ZFYVE1: variants seen among roughly 807,000 people sequenced by gnomAD.
ZFYVE1 encodes the protein zinc finger FYVE-type containing 1.
A neutral mutation model predicts 74.4 loss-of-function variants in ZFYVE1; 30 were observed. The ratio of observed to expected loss-of-function variants is 0.40; its 90% CI spans 0.30 to 0.55. The LOEUF is 0.55. Ranked by LOEUF, ZFYVE1 falls within the 20% of genes least tolerant of loss-of-function variation. ZFYVE1 has a pLI of 0.42. For synonymous variants in ZFYVE1, 335 were observed against 385.1 expected (o/e 0.87, Z 1.52); for missense variants, 703 against 1,011.6 (o/e 0.69, Z 4.14).
chr14:72,980,560 T>A (rs532362903), intron 5 of ZFYVE1, among the ~76,000 whole-genome samples: 4,380 of 151,148 alleles, frequency 0.029, 89 homozygotes, highest in South Asian at 0.06. Flanking sequence ...TTTATTTATT[T>A]ATTTATTTAT....
In ZFYVE1 at chr14:72,969,802, C is replaced by A. The variant is rs528924468; in HGVS notation, c.*1080G>T. 292 of 683,748 alleles carry A rather than the reference C, an allele frequency of 4.3e-4. 1 individual carries two copies. The highest frequency in any genetic ancestry group is 7.4e-5 in the Non-Finnish European group (28 of 380,346). The allele number at this position is 683,748 out of a possible 1,614,324, so 42.4% of individuals were successfully genotyped here. On this transcript the variant is annotated 3_prime_UTR_variant, in exon 12 of 12. Transcript: ENST00000556143. ...TTCCTTTGACTTCTCTTGCAAGGACCAAAGAGATAAATTTTTTCTTTACGA... is the reference window on the plus strand; with the variant it reads ...TTCCTTTGACTTCTCTTGCAAGGACAAAAGAGATAAATTTTTTCTTTACGA...
At position 72,970,706 on chromosome 14, in the gene ZFYVE1, G is replaced by T; in HGVS notation, c.*176C>A. 5.9e-6 allele frequency: 4 copies of T among 673,192 alleles called. No individual in the cohort carries two copies. The highest frequency in any genetic ancestry group is 1.0e-5 in the Non-Finnish European group (4 of 394,962). 41.7% of individuals were successfully genotyped at this position (673,192 alleles called of 1,614,324 possible). A position where few individuals can be genotyped will look rare whatever the true frequency, so the allele number is the denominator to read the frequency against. ...GTTGCAAGGTCCCCTGCCCTGAGGG[G>T]TCCACACCTTCGGGCCTGCCGCCAG... is the stretch of plus-strand genomic sequence containing the variant. On this transcript the variant is annotated 3_prime_UTR_variant, in exon 12 of 12. Transcript: ENST00000556143.
At chr14:73,017,550 C>T (rs534465492) in intron 2 of ZFYVE1, among the ~76,000 whole-genome samples, 1 of 152,204 alleles carries the variant, frequency 6.6e-6, no homozygotes, top group Admixed American at 6.5e-5. Flanking sequence ...CAATTTCACA[C>T]AATAAAACCT....
intron 4 of ZFYVE1, among the ~76,000 whole-genome samples, chr14:72,982,304 G>A (rs1167056868): frequency 6.6e-6 from 1 of 151,762 alleles, no homozygotes; most frequent in Non-Finnish European, 1.5e-5. Flanking sequence ...TGAGTTTCCC[G>A]GGCTTCTATC....
At position 72,979,136 on chromosome 14, in the gene ZFYVE1, T is replaced by C. The variant is rs545045128; in HGVS notation, c.1311-167A>G. On this transcript the variant is annotated intron_variant, in intron 5 of 11. Transcript: ENST00000556143. ...GGTAGCCGGAAACCCACATGCCTCT[T>C]TGTTACACTTGCAATCAACAGCACT... 3.4e-5 allele frequency: 21 copies of C among 611,536 alleles called. No homozygotes were observed. In the East Asian group the frequency reaches 5.7e-4, roughly 17 times the overall value. The allele number at this position is 611,536 out of a possible 1,614,324, so 37.9% of individuals were successfully genotyped here.
chr14:72,993,288 G>T lies in ZFYVE1; in HGVS notation c.1058C>A (p.Ala353Asp). Reference sequence around the variant, plus strand: ...TCCCTTGTAGTGAATGGAACTAAAGGCTTCAGGGAAACGGCCCAGCTTCCG... The same window carrying T: ...TCCCTTGTAGTGAATGGAACTAAAGTCTTCAGGGAAACGGCCCAGCTTCCG... ...RFRKLGRFPE[A>D]FSSIHYKGTR... is the part of the protein sequence containing the mutation. The change falls in exon 4 of 12, where the codon GCC becomes GAC. Residue 353 changes from alanine to aspartate, a missense_variant. Physicochemically the swap from Ala to Asp is moderately radical, Grantham distance 126. Coordinates refer to ENST00000556143, the MANE Select transcript of ZFYVE1 (RefSeq NM_021260.4). 6.2e-7 allele frequency: 1 copy of T among 1,613,684 alleles called. No individual in the cohort carries two copies. The highest frequency in any genetic ancestry group is 8.5e-7 in the Non-Finnish European group (1 of 1,179,974).
intron 5 of ZFYVE1, chr14:72,979,199 CAG>C (rs982738752): frequency 2.1e-6 from 1 of 468,846 alleles, no homozygotes; most frequent in African/African-American, 2.0e-5. Flanking sequence ...TATGAGGACA[CAG>C]GGGAAAAAGA....
At position 73,025,661 on chromosome 14, in the gene ZFYVE1, A is replaced by C. The variant is rs984345606; in HGVS notation, c.-434-719T>G. Among the ~76,000 whole-genome samples the C allele has an allele frequency of 2.1e-5, 3 of 140,282 alleles. No homozygotes were observed. In the East Asian group the frequency reaches 6.4e-4, roughly 30 times the overall value. The allele number at this position is 140,282 out of a possible 152,430, so 92.0% of individuals were successfully genotyped here. A position where few individuals can be genotyped will look rare whatever the true frequency, so the allele number is the denominator to read the frequency against. On this transcript the variant is annotated intron_variant, in intron 1 of 11. Transcript: ENST00000556143. ...CAGTGAGCCAAGATCTTGCCACTGC[A>C]CTCCAGCCTGGAAGACAGGGCAAGA... is the stretch of plus-strand genomic sequence containing the variant.
intron 2 of ZFYVE1, among the ~76,000 whole-genome samples, chr14:73,000,560 C>T (rs1023392503): frequency 1.3e-5 from 2 of 151,480 alleles, no homozygotes. Context: ...ACCATGACTG[C>T]ACCACTCCAC....
intron 1 of ZFYVE1, among the ~76,000 whole-genome samples, chr14:73,026,441 A>G (rs1894462470): frequency 6.6e-6 from 1 of 152,190 alleles, no homozygotes; most frequent in Admixed American, 6.5e-5. Flanking sequence ...ATTTTCAGAT[A>G]AACAAGGAAG....
chr14:73,026,992 T>C lies in ZFYVE1; in HGVS notation c.-501A>G. The C allele has an allele frequency of 2.5e-6, 1 of 398,784 alleles. No individual in the cohort carries two copies. Among genetic ancestry groups the C allele is most frequent in the African/African-American group, 2.1e-5 (1 of 48,746 alleles). 24.7% of individuals were successfully genotyped at this position (398,784 alleles called of 1,614,324 possible). ...GCAGGGCGCCAGTGGGGGCAGAGGC[T>C]ATTCCTCAGGACACCGGCAGATCCA... On this transcript the variant is annotated 5_prime_UTR_variant, in exon 1 of 12. The change creates a new upstream start codon in the 5' untranslated region. Coordinates refer to ENST00000556143, the MANE Select transcript of ZFYVE1 (RefSeq NM_021260.4).
intron 4 of ZFYVE1, among the ~76,000 whole-genome samples, chr14:72,991,651 C>T (rs1157627164): frequency 2.0e-5 from 3 of 152,070 alleles, no homozygotes; most frequent in South Asian, 2.1e-4. Flanking sequence ...ATTAGGTAAG[C>T]GTCATCTTCC....
chr14:72,984,438 A>G (rs1163481477), intron 4 of ZFYVE1, among the ~76,000 whole-genome samples: 2 of 152,050 alleles, frequency 1.3e-5, no homozygotes, highest in Non-Finnish European at 2.9e-5. Context: ...CTGAGGCAGG[A>G]GAATCATTTG....
chr14:73,006,270 T>A, intron 2 of ZFYVE1, among the ~76,000 whole-genome samples: 1 of 151,664 alleles, frequency 6.6e-6, no homozygotes, highest in Admixed American at 6.6e-5. Context: ...AGTAACTATC[T>A]AATATTGTAC....
rs368675804 is a variant in ZFYVE1 at position 73,020,972 on chromosome 14, G to T, written c.483+3054C>A. 2.0e-5 allele frequency among the ~76,000 whole-genome samples: 3 copies of T among 152,266 alleles called. No individual in the cohort carries two copies. The South Asian group carries it at 6.2e-4, about 32-fold the overall frequency. On this transcript the variant is annotated intron_variant, in intron 2 of 11. Transcript: ENST00000556143. Reference sequence around the variant, plus strand: ...TGCTCTAGAACTCCTGACCTCAGGTGATCTACCTGCCTGGGCCTCCCAAAG... The same window carrying T: ...TGCTCTAGAACTCCTGACCTCAGGTTATCTACCTGCCTGGGCCTCCCAAAG...
intron 6 of ZFYVE1, 106 bp from the exon 7 acceptor site, chr14:72,978,340 G>C: frequency 9.7e-7 from 1 of 1,026,138 alleles, no homozygotes; most frequent in Non-Finnish European, 1.5e-6. Flanking sequence ...CTGGGCTCAA[G>C]CAATCTGCCC....
intron 4 of ZFYVE1, among the ~76,000 whole-genome samples, chr14:72,990,400 CTTT>C (rs11298113): frequency 6.9e-6 from 1 of 145,390 alleles, no homozygotes; most frequent in Non-Finnish European, 1.5e-5. Flanking sequence ...TGAACAGGTT[CTTT>C]TTTTTTTTTT....
intron 2 of ZFYVE1, among the ~76,000 whole-genome samples, chr14:72,999,743 AAC>A (rs1482665659): frequency 2.0e-5 from 3 of 152,318 alleles, no homozygotes; most frequent in East Asian, 1.9e-4. Flanking sequence ...CACCCTGGGA[AAC>A]AGTGTCATCC....
At position 73,010,321 on chromosome 14, in the gene ZFYVE1, G is replaced by A. The variant is rs574859350; in HGVS notation, c.484-12006C>T. ...TCTCTACTAAAAATACAAAAAATTGGCCAGGTGCAGTGGCTCATGCCTGTA... is the reference window on the plus strand; with the variant it reads ...TCTCTACTAAAAATACAAAAAATTGACCAGGTGCAGTGGCTCATGCCTGTA... On this transcript the variant is annotated intron_variant, in intron 2 of 11. Coordinates refer to ENST00000556143, the MANE Select transcript of ZFYVE1 (RefSeq NM_021260.4). Among the ~76,000 whole-genome samples the A allele has an allele frequency of 7.2e-5, 11 of 152,152 alleles. No individual in the cohort carries two copies. The South Asian group carries it at 2.3e-3, about 32-fold the overall frequency.
Sources: gnomAD v4.1 joint callset for allele counts (sites outside exome capture counted in the v4.1 genomes callset) on GRCh38, gnomAD v4.1.1 for gene constraint, MANE v1.5 for transcripts, NCBI Gene and HGNC (gene_info 2026-07-23, HGNC 2026-07-21) for gene names.